ATXN7: variants seen among roughly 807,000 people sequenced by gnomAD.
ATXN7 encodes ataxin-7.
Under a neutral mutation model 70.5 loss-of-function variants are expected in ATXN7, and 12 were observed. The ratio of observed to expected loss-of-function variants is 0.17; its 90% CI spans 0.11 to 0.28. The LOEUF is 0.28. Ranked by LOEUF, ATXN7 falls within the 10% of genes least tolerant of loss-of-function variation. ATXN7 has a pLI of 1.00. For synonymous variants in ATXN7, 498 were observed against 448.7 expected (o/e 1.11, Z -1.39); for missense variants, 1,256 against 1,131.7 (o/e 1.11, Z -1.58).
In ATXN7 at chr3:63,996,448, G is replaced by T. The variant is rs1019699149; in HGVS notation, c.2626G>T (p.Ala876Ser). 6.2e-6 allele frequency: 10 copies of T among 1,614,010 alleles called. No individual in the cohort carries two copies. The South Asian group carries it at 9.9e-5, about 16-fold the overall frequency. Residue 876 changes from alanine (A) to serine (S), a missense_variant, in exon 12 of 13, where the codon GCA becomes TCA. Transcript: ENST00000674280. ...HMKHTGTIPG[A>S]QGLMNSSLLH... ...GAAACACACAGGCACCATCCCAGGG[G>T]CACAAGGACTGATGAACAGTTCCCT...
intron 2 of ATXN7, among the ~76,000 whole-genome samples, chr3:63,910,360 C>T (rs1048677642): frequency 8.5e-5 from 13 of 152,170 alleles, no homozygotes; most frequent in Admixed American, 8.5e-4. Flanking sequence ...GCTTGGTGGC[C>T]GCAAGCTTTT....
chr3:63,989,880 T>C (rs2075640271), intron 9 of ATXN7, among the ~76,000 whole-genome samples: 2 of 152,180 alleles, frequency 1.3e-5, no homozygotes, highest in Non-Finnish European at 2.9e-5. Context: ...CACATGTATT[T>C]CCCCTTCTTT....
chr3:63,996,515 G>A, intron 12 of ATXN7, 32 bp downstream of exon 12: 1 of 1,599,640 alleles, frequency 6.3e-7, no homozygotes, highest in African/African-American at 1.3e-5. Context: ...CCATGGGAAT[G>A]CCCATTTCTT....
intron 8 of ATXN7, among the ~76,000 whole-genome samples, chr3:63,986,061 G>GA (rs1178963221): frequency 6.6e-6 from 1 of 152,220 alleles, no homozygotes; most frequent in Non-Finnish European, 1.5e-5. Flanking sequence ...ACATTGGGCT[G>GA]AAATCAATGT....
chr3:63,891,932 A>T (rs1258604610), intron 1 of ATXN7, among the ~76,000 whole-genome samples: 2 of 152,174 alleles, frequency 1.3e-5, no homozygotes, highest in Non-Finnish European at 2.9e-5. Context: ...CATTTATCCC[A>T]CTAGCCACTG....
At chr3:63,978,419 C>A (rs1455879758) in intron 5 of ATXN7, among the ~76,000 whole-genome samples, 1 of 152,106 alleles carries the variant, frequency 6.6e-6, no homozygotes, top group African/African-American at 2.4e-5. Context: ...AGGCAGGTGA[C>A]AAAACTGCAA....
At chr3:63,976,406 TACAC>T (rs2075388954) in intron 5 of ATXN7, among the ~76,000 whole-genome samples, 1 of 152,200 alleles carries the variant, frequency 6.6e-6, no homozygotes, top group South Asian at 2.1e-4. Context: ...CTCAGTTACT[TACAC>T]ACACTACACA....
intron 1 of ATXN7, among the ~76,000 whole-genome samples, chr3:63,881,280 A>C (rs2107222539): frequency 6.6e-6 from 1 of 152,268 alleles, no homozygotes; most frequent in East Asian, 1.9e-4. Flanking sequence ...GAGAATGCTG[A>C]GGTTGAGGAG....
chr3:63,941,815 G>A (rs914447047), intron 4 of ATXN7, among the ~76,000 whole-genome samples: 7 of 151,888 alleles, frequency 4.6e-5, no homozygotes, highest in Non-Finnish European at 1.0e-4. Context: ...GCTTATGGAA[G>A]GTGGAAATAA....
intron 10 of ATXN7, 35 bp from the exon 11 acceptor site, chr3:63,990,703 A>G: frequency 6.2e-7 from 1 of 1,613,868 alleles, no homozygotes; most frequent in Non-Finnish European, 8.5e-7. Flanking sequence ...CCAGTGTGGG[A>G]GTCAGCAAGC....
At chr3:63,877,136 G>A (rs1211620964) in intron 1 of ATXN7, among the ~76,000 whole-genome samples, 1 of 152,104 alleles carries the variant, frequency 6.6e-6, no homozygotes, top group Non-Finnish European at 1.5e-5. Flanking sequence ...GCTAAGAAAG[G>A]TAATTTAGAT....
At position 64,000,821 on chromosome 3, in the gene ATXN7, A is replaced by G. The variant is rs2075825572; in HGVS notation, c.*1354A>G. On this transcript the variant is annotated 3_prime_UTR_variant, in exon 13 of 13. Transcript: ENST00000674280. Reference sequence around the variant, plus strand: ...GTACCCCACCCCCCACCCCTAAAGAAAGACCTTAATATGTTAAAACAGCAT... The same window carrying G: ...GTACCCCACCCCCCACCCCTAAAGAGAGACCTTAATATGTTAAAACAGCAT... 9.0e-6 allele frequency: 1 copy of G among 110,914 alleles called. No homozygotes were observed. Among genetic ancestry groups the G allele is most frequent in the Non-Finnish European group, 1.7e-5 (1 of 59,562 alleles). The allele number at this position is 110,914 out of a possible 1,614,324, so 6.9% of individuals were successfully genotyped here.
intron 1 of ATXN7, among the ~76,000 whole-genome samples, chr3:63,874,512 G>GT (rs1702692309): frequency 6.6e-6 from 1 of 152,188 alleles, no homozygotes; most frequent in Non-Finnish European, 1.5e-5. Flanking sequence ...ATGTTCTCCT[G>GT]TTTCATTGTA....
intron 5 of ATXN7, among the ~76,000 whole-genome samples, chr3:63,956,154 AATAC>A (rs2075035460): frequency 6.6e-6 from 1 of 152,194 alleles, no homozygotes. Flanking sequence ...ACTACATAGT[AATAC>A]CATGATTTCT....
chr3:63,881,931 T>C (rs1334486986), intron 1 of ATXN7, among the ~76,000 whole-genome samples: 4 of 152,194 alleles, frequency 2.6e-5, no homozygotes, highest in African/African-American at 9.7e-5. Flanking sequence ...TGGATTTTAT[T>C]TGTTGAAAAT....
rs568479466 is a variant in ATXN7, at chr3:63,991,026, C to T, written c.1682+167C>T. 8.9e-5 allele frequency: 82 copies of T among 921,400 alleles called. 1 individual carries two copies. In the South Asian group the frequency reaches 1.2e-3, roughly 14 times the overall value. 57.1% of individuals were successfully genotyped at this position (921,400 alleles called of 1,614,324 possible). On this transcript the variant is annotated intron_variant, in intron 11 of 12. Transcript: ENST00000674280. The stretch of plus-strand genomic sequence containing the variant: ...TTCATTCATTCATTTACCCCTTTAC[C>T]CCACAACTACATATTGTTGTGGGTG...
chr3:63,878,228 C>T (rs1166999955), intron 1 of ATXN7, among the ~76,000 whole-genome samples: 1 of 152,134 alleles, frequency 6.6e-6, no homozygotes, highest in Non-Finnish European at 1.5e-5. Context: ...TGTTGGTATT[C>T]AGTGTGAAAA....
In ATXN7 at chr3:63,995,999, C is replaced by T. The variant is rs767416994; in HGVS notation, c.2177C>T (p.Ser726Phe). The T allele has an allele frequency of 6.2e-7, 1 of 1,609,070 alleles. No individual in the cohort carries two copies. The highest frequency in any genetic ancestry group is 8.5e-7 in the Non-Finnish European group (1 of 1,175,396). Residue 726 changes from serine (S) to phenylalanine (F), a missense_variant, in exon 12 of 13, where the codon TCT becomes TTT. Physicochemically the swap from Ser to Phe is radical, Grantham distance 155 (BLOSUM62 -2). Transcript: ENST00000674280. ...TCCTCCTCCTCTTCCTCCTCCTCCT[C>T]TTCTTCTCATTCCATGGAGTCTTTT... is the stretch of plus-strand genomic sequence containing the variant. ...HSSSSSSSSS[S>F]SSHSMESFRK... is the part of the protein sequence containing the mutation.
intron 2 of ATXN7, among the ~76,000 whole-genome samples, chr3:63,907,825 A>C (rs1356215195): frequency 6.6e-6 from 1 of 152,134 alleles, no homozygotes; most frequent in East Asian, 1.9e-4. Flanking sequence ...CAACATTTCA[A>C]ATCAAGTTCG....
Sources: allele counts gnomAD v4.1 joint callset (sites outside exome capture counted in the v4.1 genomes callset), GRCh38; gene constraint gnomAD v4.1.1; transcripts MANE v1.5; gene names NCBI Gene and HGNC (gene_info 2026-07-23, HGNC 2026-07-21).